AKAP6: variants seen among roughly 807,000 people sequenced by gnomAD.
AKAP6 encodes the protein A-kinase anchoring protein 6.
Under a neutral mutation model 188.5 loss-of-function variants are expected in AKAP6, and 58 were observed. The observed-to-expected ratio is 0.31, with a 90% CI of 0.25 to 0.38. AKAP6 has a LOEUF of 0.38. Ranked by LOEUF, AKAP6 falls within the 10% of genes least tolerant of loss-of-function variation. The pLI is 1.00. For synonymous variants in AKAP6, 989 were observed against 998.6 expected (o/e 0.99, Z 0.18); for missense variants, 2,710 against 2,740.0 (o/e 0.99, Z 0.24).
chr14:32,510,490 G>A (rs796201562), intron 2 of AKAP6, among the ~76,000 whole-genome samples: 34,764 of 114,082 alleles, frequency 0.3, 5,708 homozygotes, highest in African/African-American at 0.36. Flanking sequence ...ATATATATGT[G>A]TATATATATA....
chr14:32,372,375 G>A (rs566534142), intron 1 of AKAP6, among the ~76,000 whole-genome samples: 2 of 152,032 alleles, frequency 1.3e-5, no homozygotes, highest in East Asian at 1.9e-4. Flanking sequence ...TTAGCAGGCC[G>A]AGGAGGGGAT....
intron 8 of AKAP6, among the ~76,000 whole-genome samples, chr14:32,687,653 G>T (rs553806488): frequency 9.9e-5 from 15 of 152,202 alleles, no homozygotes; most frequent in Non-Finnish European, 2.1e-4. Context: ...ACAACCCAAA[G>T]AAATCTTATT....
chr14:32,817,491 TTGTG>T (rs3033323), intron 12 of AKAP6, among the ~76,000 whole-genome samples: 45,785 of 145,314 alleles, frequency 0.32, 7,433 homozygotes, highest in Admixed American at 0.43. Context: ...GTGTCTGTGT[TTGTG>T]TGTGTGTGTG....
chr14:32,598,848 A>G (rs1373772104), intron 5 of AKAP6, among the ~76,000 whole-genome samples: 2 of 152,148 alleles, frequency 1.3e-5, no homozygotes, highest in Non-Finnish European at 2.9e-5. Context: ...GCAGTGTCAT[A>G]TTATAGGGAA....
intron 2 of AKAP6, among the ~76,000 whole-genome samples, chr14:32,492,337 A>AATATATATATATATATATAT (rs148154496): frequency 1.7e-3 from 128 of 76,574 alleles, no homozygotes; most frequent in Admixed American, 3.8e-3. Flanking sequence ...ACTACATTGT[A>AATATATATATATATATATAT]ATATATATAT....
chr14:32,743,878 T>A (rs10137622), intron 11 of AKAP6, among the ~76,000 whole-genome samples: 8,098 of 152,266 alleles, frequency 0.053, 660 homozygotes, highest in African/African-American at 0.17. Flanking sequence ...AGTGAGTTTT[T>A]TACCTTCAGG....
chr14:32,788,216 A>G (rs2033489300), intron 12 of AKAP6, among the ~76,000 whole-genome samples: 1 of 152,176 alleles, frequency 6.6e-6, no homozygotes, highest in African/African-American at 2.4e-5. Flanking sequence ...TTATAATACA[A>G]TATGGTGATT....
chr14:32,464,149 G>A (rs769470076), intron 2 of AKAP6, among the ~76,000 whole-genome samples: 3 of 152,132 alleles, frequency 2.0e-5, no homozygotes, highest in African/African-American at 2.4e-5. Context: ...ATACACAGCC[G>A]AATTCTACCA....
chr14:32,524,157 C>CA (rs11429816), intron 2 of AKAP6, among the ~76,000 whole-genome samples: 43,025 of 144,754 alleles, frequency 0.3, 6,189 homozygotes, highest in African/African-American at 0.34. Context: ...GAGCCTGTTT[C>CA]AAAAAAAAAA....
rs776142584 is a variant in AKAP6 at position 32,466,827 on chromosome 14, TTATA to T, written c.324+33026_324+33029del. ...CAAAATATAAGCTGTAAAAACAAGATTATATATATATATATATATTTTCTTTCTT... is the reference window on the plus strand; with the variant it reads ...CAAAATATAAGCTGTAAAAACAAGATTATATATATATATATTTTCTTTCTT... On this transcript the variant is annotated intron_variant, in intron 2 of 13. Transcript: ENST00000280979. 2.3e-4 allele frequency among the ~76,000 whole-genome samples: 26 copies of T among 115,116 alleles called. 2 individuals are homozygous for T. The highest frequency in any genetic ancestry group is 1.2e-3 in the African/African-American group (24 of 20,172). The allele number at this position is 115,116 out of a possible 152,430, so 75.5% of individuals were successfully genotyped here. A position where few individuals can be genotyped will look rare whatever the true frequency, so the allele number is the denominator to read the frequency against.
intron 12 of AKAP6, among the ~76,000 whole-genome samples, chr14:32,777,389 A>G (rs1238283393): frequency 6.6e-6 from 1 of 152,240 alleles, no homozygotes; most frequent in Non-Finnish European, 1.5e-5. Context: ...AATGTCACAG[A>G]GTATAGAATT....
At chr14:32,707,462 G>C (rs1890856023) in intron 9 of AKAP6, among the ~76,000 whole-genome samples, 2 of 151,982 alleles carry the variant, frequency 1.3e-5, no homozygotes, top group African/African-American at 4.8e-5. Context: ...GTGAATACTT[G>C]TTTATTAGTT....
chr14:32,486,412 G>C (rs1399199634), intron 2 of AKAP6, among the ~76,000 whole-genome samples: 2 of 152,156 alleles, frequency 1.3e-5, no homozygotes, highest in African/African-American at 4.8e-5. Context: ...TGGGCATTAT[G>C]GCTATTTTCA....
chr14:32,783,392 T>C (rs2033309957), intron 12 of AKAP6, among the ~76,000 whole-genome samples: 1 of 152,106 alleles, frequency 6.6e-6, no homozygotes, highest in Non-Finnish European at 1.5e-5. Flanking sequence ...CATGATCTTG[T>C]TTGTAGTGAT....
In AKAP6 at chr14:32,833,419, G is replaced by A. The variant is rs1477523918; in HGVS notation, c.*3614G>A. On this transcript the variant is annotated 3_prime_UTR_variant, in exon 14 of 14. Coordinates refer to ENST00000280979, the MANE Select transcript of AKAP6 (RefSeq NM_004274.5). The stretch of plus-strand genomic sequence containing the variant: ...TTTAAGAAAATCTAGTGAGCAAAAC[G>A]GTATACAAAAAATCATCTGGATCTG... 6 of 151,940 alleles carry A rather than the reference G, an allele frequency of 3.9e-5. No homozygotes were observed. Among genetic ancestry groups the A allele is most frequent in the Admixed American group, 1.3e-4 (2 of 15,248 alleles). 9.4% of individuals were successfully genotyped at this position (151,940 alleles called of 1,614,324 possible). A position where few individuals can be genotyped will look rare whatever the true frequency, so the allele number is the denominator to read the frequency against.
At chr14:32,465,603 A>T (rs542386197) in intron 2 of AKAP6, among the ~76,000 whole-genome samples, 1 of 152,324 alleles carries the variant, frequency 6.6e-6, no homozygotes, top group East Asian at 1.9e-4. Context: ...ATGGATTAAG[A>T]TATAAATGTA....
chr14:32,422,183 G>A (rs1048201114), intron 1 of AKAP6, among the ~76,000 whole-genome samples: 2 of 152,102 alleles, frequency 1.3e-5, no homozygotes, highest in African/African-American at 2.4e-5. Context: ...GTTAGGCCAA[G>A]CTTGAGGTTA....
At chr14:32,373,974 C>G (rs189831288) in intron 1 of AKAP6, among the ~76,000 whole-genome samples, 2 of 152,214 alleles carry the variant, frequency 1.3e-5, no homozygotes, top group African/African-American at 4.8e-5. Flanking sequence ...TATACTTATC[C>G]CTGGTTAAAG....
At chr14:32,650,892 TA>T (rs1888195105) in intron 7 of AKAP6, among the ~76,000 whole-genome samples, 1 of 152,240 alleles carries the variant, frequency 6.6e-6, no homozygotes, top group South Asian at 2.1e-4. Flanking sequence ...TTTATATTTT[TA>T]TAAATGTAGA....
Sources: allele counts gnomAD v4.1 joint callset (sites outside exome capture counted in the v4.1 genomes callset), GRCh38; gene constraint gnomAD v4.1.1; transcripts MANE v1.5; gene names NCBI Gene and HGNC (gene_info 2026-07-23, HGNC 2026-07-21).